Variants in NTM observed in about 807,000 individuals in gnomAD.
The protein encoded by NTM is IgLON family member 2.
A neutral mutation model predicts 42.1 loss-of-function variants in NTM; 13 were observed. That is an observed-to-expected ratio of 0.31 (90% CI 0.20 to 0.49). The LOEUF (loss-of-function observed/expected upper bound fraction) is 0.49. NTM is among the 20% of genes least tolerant of loss of function. The pLI, the probability that NTM is intolerant of heterozygous loss-of-function variation, is 0.99. For missense variants in NTM, 373 were observed against 452.8 expected, an observed-to-expected ratio of 0.82 and a Z score of 1.60; for synonymous variants, 187 against 179.2, an observed-to-expected ratio of 1.04 and a Z score of -0.35.
rs376191419 is a variant in NTM at position 132,077,925 on chromosome 11, CATAAT to C, written c.168-68353_168-68349del. The stretch of plus-strand genomic sequence containing the variant: ...CAACAAAAAACTTTTGAGTATCACT[CATAAT>C]ATACGTATATTTATTGGCAAGTTAA... On this transcript the variant is annotated intron_variant, in intron 2 of 8. Coordinates refer to ENST00000683400, the MANE Select transcript of NTM (RefSeq NM_001352005.2). Among the ~76,000 whole-genome samples the C allele has an allele frequency of 3.7e-4, 57 of 152,264 alleles. 1 individual carries two copies. The highest frequency in any genetic ancestry group is 4.4e-4 in the Non-Finnish European group (30 of 68,026).
At chr11:131,618,069 G>C (rs533880491) in intron 1 of NTM, among the ~76,000 whole-genome samples, 7 of 152,308 alleles carry the variant, frequency 4.6e-5, no homozygotes, top group Non-Finnish European at 8.8e-5. Context: ...AGCAATCCCA[G>C]AAAGGCTTGA....
At chr11:131,805,110 G>A (rs546746127) in intron 1 of NTM, among the ~76,000 whole-genome samples, 11 of 152,250 alleles carry the variant, frequency 7.2e-5, no homozygotes, top group African/African-American at 2.2e-4. Flanking sequence ...AAACATTCAC[G>A]TTATAATATA....
At chr11:132,214,170 G>C (rs2083394574) in intron 4 of NTM, among the ~76,000 whole-genome samples, 1 of 152,188 alleles carries the variant, frequency 6.6e-6, no homozygotes, top group Non-Finnish European at 1.5e-5. Context: ...CTGTGCATGA[G>C]ATCATTAGTG....
At chr11:131,594,739 G>A (rs575699208) in intron 1 of NTM, among the ~76,000 whole-genome samples, 129 of 152,244 alleles carry the variant, frequency 8.5e-4, no homozygotes, top group African/African-American at 2.9e-3. Flanking sequence ...TCCTTCTGAT[G>A]AAAATATTGC....
At chr11:132,323,501 C>A (rs984290711) in intron 7 of NTM, among the ~76,000 whole-genome samples, 20 of 151,440 alleles carry the variant, frequency 1.3e-4, no homozygotes, top group African/African-American at 4.9e-4. Context: ...CTGAATAGAC[C>A]AATAACAGGA....
At chr11:131,527,481 T>C (rs1338123708) in intron 1 of NTM, among the ~76,000 whole-genome samples, 1 of 152,250 alleles carries the variant, frequency 6.6e-6, no homozygotes, top group Non-Finnish European at 1.5e-5. Context: ...TGGCATACTC[T>C]TACCTGGATG....
At chr11:131,469,140 C>A (rs1156885842) in intron 1 of NTM, among the ~76,000 whole-genome samples, 1 of 152,148 alleles carries the variant, frequency 6.6e-6, no homozygotes, top group African/African-American at 2.4e-5. Context: ...GGTTTCCCCA[C>A]CCACAACCAG....
chr11:131,979,902 A>G (rs937405418), intron 2 of NTM, among the ~76,000 whole-genome samples: 1 of 152,186 alleles, frequency 6.6e-6, no homozygotes, highest in African/African-American at 2.4e-5. Context: ...GCCATTCTCT[A>G]TAGGGAGCTC....
chr11:131,409,958 G>A (rs1415177818), intron 1 of NTM, among the ~76,000 whole-genome samples: 1 of 152,122 alleles, frequency 6.6e-6, no homozygotes, highest in African/African-American at 2.4e-5. Context: ...AAAAAAGCAA[G>A]GAAGATGCAG....
chr11:131,965,933 G>C (rs1342389868), intron 2 of NTM, among the ~76,000 whole-genome samples: 3 of 146,260 alleles, frequency 2.1e-5, no homozygotes, highest in Non-Finnish European at 4.5e-5. Flanking sequence ...GAGGGAGGGA[G>C]GGAAGGGGGA....
chr11:131,805,208 C>A (rs2092412424), intron 1 of NTM, among the ~76,000 whole-genome samples: 1 of 152,184 alleles, frequency 6.6e-6, no homozygotes, highest in Admixed American at 6.5e-5. Context: ...TCAGGACCAG[C>A]CTCACCTTCC....
At chr11:131,405,748 C>A (rs1190611383) in intron 1 of NTM, among the ~76,000 whole-genome samples, 3 of 152,122 alleles carry the variant, frequency 2.0e-5, no homozygotes, top group Non-Finnish European at 4.4e-5. Context: ...AAATCCACAC[C>A]CCTCCTCTGT....
chr11:131,857,780 A>T (rs1329463889), intron 1 of NTM, among the ~76,000 whole-genome samples: 2 of 152,014 alleles, frequency 1.3e-5, no homozygotes, highest in African/African-American at 4.8e-5. Context: ...TTGTCTCCTA[A>T]CTTGTCTCCT....
intron 1 of NTM, among the ~76,000 whole-genome samples, chr11:131,851,357 T>G (rs2045517603): frequency 6.6e-6 from 1 of 152,126 alleles, no homozygotes; most frequent in Non-Finnish European, 1.5e-5. Context: ...TCCAAGTCAT[T>G]AAATGATTCC....
intron 3 of NTM, among the ~76,000 whole-genome samples, chr11:132,157,818 A>G (rs2073519018): frequency 2.0e-5 from 3 of 152,272 alleles, no homozygotes; most frequent in South Asian, 4.2e-4. Flanking sequence ...GTAAATGGCA[A>G]TTGCATTCTT....
chr11:132,121,497 AG>A (rs1031613514), intron 2 of NTM, among the ~76,000 whole-genome samples: 11 of 152,308 alleles, frequency 7.2e-5, no homozygotes, highest in Non-Finnish European at 1.3e-4. Context: ...TTAAGTAAAA[AG>A]ACTATGAAGT....
At chr11:131,392,535 G>C (rs1283174110) in intron 1 of NTM, among the ~76,000 whole-genome samples, 1 of 152,252 alleles carries the variant, frequency 6.6e-6, no homozygotes, top group African/African-American at 2.4e-5. Flanking sequence ...TGAGGGTAGG[G>C]GAGAGAGAAG....
At chr11:132,105,805 C>T (rs1380896360) in intron 2 of NTM, among the ~76,000 whole-genome samples, 1 of 152,168 alleles carries the variant, frequency 6.6e-6, no homozygotes, top group African/African-American at 2.4e-5. Flanking sequence ...GCTTGAGGTC[C>T]ACCTTCACTC....
intron 4 of NTM, among the ~76,000 whole-genome samples, chr11:132,258,948 A>G (rs2092674048): frequency 6.6e-6 from 1 of 152,168 alleles, no homozygotes; most frequent in Non-Finnish European, 1.5e-5. Flanking sequence ...TCTGTTTGGA[A>G]GCATCTTCTG....
Sources: gnomAD v4.1 joint callset for allele counts (sites outside exome capture counted in the v4.1 genomes callset) on GRCh38, gnomAD v4.1.1 for gene constraint, MANE v1.5 for transcripts, NCBI Gene and HGNC (gene_info 2026-07-23, HGNC 2026-07-21) for gene names.